Variants in GALNT10 observed in about 807,000 individuals in gnomAD.
GALNT10 encodes polypeptide N-acetylgalactosaminyltransferase 10.
A neutral mutation model predicts 75.0 loss-of-function variants in GALNT10; 41 were observed. The ratio of observed to expected loss-of-function variants is 0.55; its 90% CI spans 0.43 to 0.71. GALNT10 has a LOEUF of 0.71. Among genes scored for constraint, GALNT10 ranks in the 30% least tolerant of loss-of-function variants. GALNT10 has a pLI of 0.00. For missense variants in GALNT10, 727 were observed against 818.5 expected, an observed-to-expected ratio of 0.89 and a Z score of 1.36; for synonymous variants, 302 against 313.0, an observed-to-expected ratio of 0.96 and a Z score of 0.37.
chr5:154,325,820 A>G (rs1754748194), intron 3 of GALNT10, among the ~76,000 whole-genome samples: 1 of 152,210 alleles, frequency 6.6e-6, no homozygotes, highest in Admixed American at 6.5e-5. Context: ...CAAGATAAGG[A>G]TGTGTGCTCT....
At position 154,251,821 on chromosome 5, in the gene GALNT10, T is replaced by C. The variant is rs143121127; in HGVS notation, c.160-42995T>C. On this transcript the variant is annotated intron_variant, in intron 1 of 11. Transcript: ENST00000297107. ...GGAAATGGTATTTTAAGACCACAAA[T>C]TGGGCATTAGGAATGCTCTTTGCTA... Among the ~76,000 whole-genome samples the C allele has an allele frequency of 3.7e-3, 558 of 152,288 alleles. 4 individuals carry two copies. Among genetic ancestry groups the C allele is most frequent in the African/African-American group, 0.013 (528 of 41,566 alleles).
chr5:154,253,997 G>A (rs1461703386), intron 1 of GALNT10, among the ~76,000 whole-genome samples: 1 of 151,972 alleles, frequency 6.6e-6, no homozygotes, highest in Non-Finnish European at 1.5e-5. Context: ...TTACTGCATT[G>A]GGCAGAAATC....
intron 1 of GALNT10, among the ~76,000 whole-genome samples, chr5:154,250,943 A>C (rs1026715960): frequency 6.6e-6 from 1 of 152,142 alleles, no homozygotes; most frequent in Non-Finnish European, 1.5e-5. Flanking sequence ...TCTGGAATAT[A>C]CTCTGTTCAT....
intron 1 of GALNT10, among the ~76,000 whole-genome samples, chr5:154,246,616 A>C (rs570747597): frequency 6.6e-6 from 1 of 152,296 alleles, no homozygotes; most frequent in African/African-American, 2.4e-5. Context: ...TCTTTTGAGA[A>C]GTGTCTGTTC....
chr5:154,373,513 T>A (rs1755609704), intron 4 of GALNT10, among the ~76,000 whole-genome samples: 1 of 152,178 alleles, frequency 6.6e-6, no homozygotes, highest in Non-Finnish European at 1.5e-5. Context: ...CCTCGGCATC[T>A]CCTTCTATAG....
intron 1 of GALNT10, among the ~76,000 whole-genome samples, chr5:154,255,261 C>G (rs35186954): frequency 0.41 from 61,642 of 151,784 alleles, 14,801 homozygotes; most frequent in East Asian, 0.76. Flanking sequence ...GCAGACTCAT[C>G]AAGGTATATC....
chr5:154,235,992 C>T (rs1057262234), intron 1 of GALNT10, among the ~76,000 whole-genome samples: 4 of 152,096 alleles, frequency 2.6e-5, no homozygotes, highest in Admixed American at 2.0e-4. Context: ...GCCAAGTTCC[C>T]ACAATTTGAT....
chr5:154,261,396 C>T (rs1170944092), intron 1 of GALNT10, among the ~76,000 whole-genome samples: 1 of 152,156 alleles, frequency 6.6e-6, no homozygotes, highest in Non-Finnish European at 1.5e-5. Context: ...TCAAAGACCT[C>T]GGGGGTGTTA....
Position 154,298,758 on chromosome 5 carries a change from A to C in GALNT10, c.401+679A>C, listed in dbSNP as rs1424316105. 2.0e-5 allele frequency among the ~76,000 whole-genome samples: 3 copies of C among 152,104 alleles called. No individual in the cohort carries two copies. Among genetic ancestry groups the C allele is most frequent in the Admixed American group, 2.0e-4 (3 of 15,278 alleles). Reference sequence around the variant, plus strand: ...CTTAAGTTATCCTGCCTCCCTGTACATTTTCAGTAAGGGTCATTGTGGTGA... The same window carrying C: ...CTTAAGTTATCCTGCCTCCCTGTACCTTTTCAGTAAGGGTCATTGTGGTGA... On this transcript the variant is annotated intron_variant, in intron 3 of 11. Transcript: ENST00000297107. The surrounding 1 kb of genome is among the most constrained non-coding windows in gnomAD (Gnocchi z 4.1).
chr5:154,366,427 T>G (rs1755475534), intron 4 of GALNT10, among the ~76,000 whole-genome samples: 1 of 152,134 alleles, frequency 6.6e-6, no homozygotes, highest in Non-Finnish European at 1.5e-5. Context: ...AAACTGGAGC[T>G]ACGAGGTAAA....
chr5:154,334,927 C>T (rs1377827157), intron 4 of GALNT10, among the ~76,000 whole-genome samples: 1 of 152,232 alleles, frequency 6.6e-6, no homozygotes, highest in Non-Finnish European at 1.5e-5. Flanking sequence ...CTCTGACCTG[C>T]ACTCTCACAC....
At chr5:154,288,737 A>G (rs1414232684) in intron 1 of GALNT10, among the ~76,000 whole-genome samples, 1 of 152,224 alleles carries the variant, frequency 6.6e-6, no homozygotes. Flanking sequence ...CTTTGAGCTT[A>G]CAGAATTAAA....
intron 5 of GALNT10, among the ~76,000 whole-genome samples, chr5:154,379,229 G>A (rs187617274): frequency 1.3e-5 from 2 of 152,316 alleles, no homozygotes; most frequent in African/African-American, 4.8e-5. Context: ...ACTGAAACAT[G>A]TTCCTGAAAG....
intron 1 of GALNT10, among the ~76,000 whole-genome samples, chr5:154,266,325 A>G (rs1753774350): frequency 6.6e-6 from 1 of 152,184 alleles, no homozygotes; most frequent in Non-Finnish European, 1.5e-5. Flanking sequence ...TTGAAACAAG[A>G]TAAATAAAGG....
rs116151822 is a variant in GALNT10 at position 154,259,970 on chromosome 5, T to G, written c.160-34846T>G. Among the ~76,000 whole-genome samples, 358 of 152,330 alleles carry G rather than the reference T, an allele frequency of 2.4e-3. 2 individuals are homozygous for G. Among genetic ancestry groups the G allele is most frequent in the African/African-American group, 8.0e-3 (333 of 41,576 alleles). ...CTCTTCCCAGCAATCCTACATCTTT[T>G]CTTTCAGAACAGTGAGGACTTTATA... On this transcript the variant is annotated intron_variant, in intron 1 of 11. Transcript: ENST00000297107.
chr5:154,251,013 C>T (rs1753511617), intron 1 of GALNT10, among the ~76,000 whole-genome samples: 1 of 152,182 alleles, frequency 6.6e-6, no homozygotes. Context: ...ACTTTCTATT[C>T]TCCCTCTTGT....
intron 1 of GALNT10, among the ~76,000 whole-genome samples, chr5:154,206,748 A>T (rs1247470807): frequency 6.6e-6 from 1 of 152,230 alleles, no homozygotes; most frequent in African/African-American, 2.4e-5. Flanking sequence ...GAGTAGCTGG[A>T]AAAGTGGGTG....
chr5:154,398,647 C>T (rs921320429), intron 7 of GALNT10, among the ~76,000 whole-genome samples: 1 of 152,194 alleles, frequency 6.6e-6, no homozygotes, highest in African/African-American at 2.4e-5. Context: ...AGACATGAAG[C>T]CCAATCCCCA....
At chr5:154,245,993 G>T (rs1753416764) in intron 1 of GALNT10, among the ~76,000 whole-genome samples, 1 of 150,234 alleles carries the variant, frequency 6.7e-6, no homozygotes, top group Non-Finnish European at 1.5e-5. Flanking sequence ...AGAGTGTGAT[G>T]TTCCCCTTCC....
Sources: allele counts gnomAD v4.1 joint callset (sites outside exome capture counted in the v4.1 genomes callset), GRCh38; gene constraint gnomAD v4.1.1; non-coding constraint Gnocchi (gnomAD v3.1); transcripts MANE v1.5; gene names NCBI Gene and HGNC (gene_info 2026-07-23, HGNC 2026-07-21).